GLI3: variants seen among roughly 807,000 people sequenced by gnomAD.
The protein encoded by GLI3 is GLI family zinc finger 3.
In GLI3, 20 loss-of-function variants were observed where a neutral mutation model predicts 100.8. That is an observed-to-expected ratio of 0.20 (90% CI 0.14 to 0.29). GLI3 has a LOEUF of 0.29. Ranked by LOEUF, GLI3 falls within the 10% of genes least tolerant of loss-of-function variation. The pLI, the probability that GLI3 is intolerant of heterozygous loss-of-function variation, is 1.00. For synonymous variants in GLI3, 938 were observed against 860.5 expected, an observed-to-expected ratio of 1.09 and a Z score of -1.58; for missense variants, 2,040 against 2,128.5, an observed-to-expected ratio of 0.96 and a Z score of 0.82.
chr7:42,036,552 G>T (rs1245249596), intron 7 of GLI3, among the ~76,000 whole-genome samples: 5 of 152,150 alleles, frequency 3.3e-5, no homozygotes, highest in Non-Finnish European at 5.9e-5. Flanking sequence ...TGCTATTACA[G>T]GCGTCTTTAA....
At chr7:42,152,325 G>A (rs184853420) in intron 2 of GLI3, 40 of 832,694 alleles carry the variant, frequency 4.8e-5, no homozygotes, top group Non-Finnish European at 1.9e-5. Flanking sequence ...TAGAAGATGC[G>A]GAGTATAAGA....
intron 2 of GLI3, among the ~76,000 whole-genome samples, chr7:42,193,337 A>C (rs1199575438): frequency 6.6e-6 from 1 of 152,104 alleles, no homozygotes; most frequent in Non-Finnish European, 1.5e-5. Context: ...CCCTCGAGGA[A>C]GCTTCTATCT....
chr7:41,965,960 G>A lies in GLI3; in HGVS notation c.3113C>T (p.Ser1038Phe). ...AAGCACGAGACTGCGCTTCTCCGCG[G>A]ACGTGGCCATCGCCGGGGGGTTGCA... ...SSCNPPAMAT[S>F]AEKRSLVLQN... is the part of the protein sequence containing the mutation. The change falls in exon 15 of 15, where the codon TCC (serine) becomes TTC (phenylalanine). Residue 1038 changes from serine (S) to phenylalanine (F), a missense_variant. By Grantham distance (155) the Ser-to-Phe change is radical (BLOSUM62 -2). This residue lies in a region of GLI3 where 1,041 missense variants were observed against 924.0 expected (regional missense o/e 1.13). Coordinates refer to ENST00000395925, the MANE Select transcript of GLI3 (RefSeq NM_000168.6). The A allele has an allele frequency of 6.2e-7, 1 of 1,610,612 alleles. No individual in the cohort carries two copies. The highest frequency in any genetic ancestry group is 8.5e-7 in the Non-Finnish European group (1 of 1,179,670).
chr7:42,206,450 T>C (rs553113908), intron 2 of GLI3, among the ~76,000 whole-genome samples: 72 of 152,200 alleles, frequency 4.7e-4, no homozygotes, highest in African/African-American at 1.6e-3. Context: ...AATAAGATAA[T>C]ACAGATAGAG....
At chr7:42,180,231 G>A (rs901096800) in intron 2 of GLI3, among the ~76,000 whole-genome samples, 1 of 152,178 alleles carries the variant, frequency 6.6e-6, no homozygotes, top group Non-Finnish European at 1.5e-5. Context: ...CTGTCATCAT[G>A]TCAAGCATAA....
chr7:42,040,040 G>C lies in GLI3; in HGVS notation c.1026C>G (p.Ile342Met). The part of the protein sequence containing the change: ...GSYGHLSASA[I>M]SPALSFTYSS... ...AATGGATTCAGGAAAATACATACCT[G>C]ATTGCACTTGCAGATAAGTGACCAT... Residue 342 changes from isoleucine (I) to methionine (M), a missense_variant and splice_region_variant, in exon 7 of 15, where the codon ATC (isoleucine) becomes ATG (methionine). Transcript: ENST00000395925. 6.2e-7 allele frequency: 1 copy of C among 1,606,338 alleles called. No individual in the cohort carries two copies. Among genetic ancestry groups the C allele is most frequent in the Non-Finnish European group, 8.5e-7 (1 of 1,172,884 alleles).
chr7:42,108,382 C>T (rs1369046452), intron 3 of GLI3, among the ~76,000 whole-genome samples: 1 of 152,176 alleles, frequency 6.6e-6, no homozygotes, highest in Non-Finnish European at 1.5e-5. Flanking sequence ...CTAGAAACCT[C>T]TAATCTAACA....
intron 1 of GLI3, among the ~76,000 whole-genome samples, chr7:42,247,673 C>T (rs1009623182): frequency 6.6e-6 from 1 of 152,206 alleles, no homozygotes; most frequent in South Asian, 2.1e-4. Flanking sequence ...GAATTAGAAA[C>T]CACTGACCCT....
intron 10 of GLI3, among the ~76,000 whole-genome samples, chr7:41,987,334 A>G (rs1417532407): frequency 6.6e-6 from 1 of 151,862 alleles, no homozygotes; most frequent in East Asian, 1.9e-4. Flanking sequence ...ACTCCCAGCT[A>G]ATTTTTGTAT....
chr7:42,256,956 AGT>A (rs367915568), intron 1 of GLI3, among the ~76,000 whole-genome samples: 100 of 152,116 alleles, frequency 6.6e-4, no homozygotes, highest in African/African-American at 2.3e-3. Context: ...TTTTCTTTGC[AGT>A]GTTTTGTAGA....
At chr7:42,182,683 C>CATGTGTGTGTATATATATATATATAT (rs1562775922) in intron 2 of GLI3, among the ~76,000 whole-genome samples, 35 of 54,862 alleles carry the variant, frequency 6.4e-4, no homozygotes, top group African/African-American at 2.1e-3. Flanking sequence ...TATATATATA[C>CATGTGTGTGTATATATATATATATAT]ACATGTGTGT....
Position 42,206,249 on chromosome 7 carries a change from C to A in GLI3, c.124+16881G>T, listed in dbSNP as rs115686108. On this transcript the variant is annotated intron_variant, in intron 2 of 14. Coordinates refer to ENST00000395925, the MANE Select transcript of GLI3 (RefSeq NM_000168.6). ...CACTACTGCACCCCAGCCTGGGCAACAGAACGAGACCCCATCTAAAAAATA... is the reference window on the plus strand; with the variant it reads ...CACTACTGCACCCCAGCCTGGGCAAAAGAACGAGACCCCATCTAAAAAATA... Among the ~76,000 whole-genome samples, 437 of 151,778 alleles carry A rather than the reference C, an allele frequency of 2.9e-3. 4 individuals are homozygous for A. The highest frequency in any genetic ancestry group is 0.01 in the African/African-American group (420 of 41,374).
Position 42,229,767 on chromosome 7 carries a change from A to C in GLI3, c.-42-6472T>G, listed in dbSNP as rs571626106. 1.2e-4 allele frequency among the ~76,000 whole-genome samples: 19 copies of C among 152,228 alleles called. No homozygotes were observed. The South Asian group carries it at 3.5e-3, about 28-fold the overall frequency. On this transcript the variant is annotated intron_variant, in intron 1 of 14. Transcript: ENST00000395925. ...CTCAAAAATAAATAAATCCTTTAGA[A>C]AGAGAATTTTTTTTTCAGAATCAAG...
At chr7:42,249,277 G>A (rs1047326611) in intron 1 of GLI3, among the ~76,000 whole-genome samples, 4 of 152,166 alleles carry the variant, frequency 2.6e-5, no homozygotes, top group Non-Finnish European at 4.4e-5. Context: ...ACGAAAGAAT[G>A]GGAGGGGCTG....
At chr7:42,025,454 C>T in intron 8 of GLI3, 77 bp from the exon 9 acceptor site, 2 of 1,019,556 alleles carry the variant, frequency 2.0e-6, no homozygotes, top group African/African-American at 1.6e-5. Context: ...AAAACCTTGC[C>T]AACTCGGGAC....
At chr7:42,211,241 T>C (rs976120865) in intron 2 of GLI3, among the ~76,000 whole-genome samples, 2 of 152,220 alleles carry the variant, frequency 1.3e-5, no homozygotes, top group Non-Finnish European at 2.9e-5. Flanking sequence ...AGAGGGCACA[T>C]GTTTTCTATA....
chr7:42,229,254 T>C (rs10264367), intron 1 of GLI3, among the ~76,000 whole-genome samples: 58,966 of 152,080 alleles, frequency 0.39, 12,737 homozygotes, highest in East Asian at 0.72. Context: ...CTCTTTTTTT[T>C]CTTAGTGTAT....
At chr7:41,982,656 T>G (rs534417712) in intron 10 of GLI3, among the ~76,000 whole-genome samples, 5 of 149,430 alleles carry the variant, frequency 3.3e-5, no homozygotes, top group African/African-American at 1.3e-4. Flanking sequence ...GAGCCAGGTT[T>G]GCACTACTGC....
In GLI3 at chr7:41,965,995, G is replaced by T. The variant is rs1436522227; in HGVS notation, c.3078C>A (p.Ser1026Arg). Residue 1026 changes from serine to arginine, a missense_variant, in exon 15 of 15, where the codon AGC (serine) becomes AGA (arginine). By Grantham distance (110) the Ser-to-Arg change is moderately radical. Transcript: ENST00000395925. ...LALPRVPRFS[S>R]LSSCNPPAMA... ...TCGCCGGGGGGTTGCAGCTGCTGAG[G>T]CTGCTGAAGCGCGGCACACGAGGCA... is the stretch of plus-strand genomic sequence containing the variant. 2 of 1,603,666 alleles carry T rather than the reference G, an allele frequency of 1.2e-6. No individual in the cohort carries two copies. Among genetic ancestry groups the T allele is most frequent in the African/African-American group, 2.7e-5 (2 of 75,018 alleles).
Sources: allele counts gnomAD v4.1 joint callset (sites outside exome capture counted in the v4.1 genomes callset), GRCh38; gene constraint gnomAD v4.1.1; regional missense constraint gnomAD v4.1.1; transcripts MANE v1.5; gene names NCBI Gene and HGNC (gene_info 2026-07-23, HGNC 2026-07-21).